Variants in ERBIN observed in about 807,000 individuals in gnomAD.
ERBIN encodes the protein densin-180-like protein.
Under a neutral mutation model 158.4 loss-of-function variants are expected in ERBIN, and 60 were observed. The observed-to-expected ratio is 0.38, with a 90% CI of 0.31 to 0.47. The LOEUF is 0.47. Ranked by LOEUF, ERBIN falls within the 20% of genes least tolerant of loss-of-function variation. ERBIN has a pLI of 0.99. For missense variants in ERBIN, 1,610 were observed against 1,648.0 expected (o/e 0.98, Z 0.40); for synonymous variants, 594 against 557.2 (o/e 1.07, Z -0.93).
At chr5:66,069,619 A>G (rs1761346372) in intron 21 of ERBIN, among the ~76,000 whole-genome samples, 2 of 152,328 alleles carry the variant, frequency 1.3e-5, no homozygotes, top group South Asian at 2.1e-4. Flanking sequence ...TGGGGGATAA[A>G]AAGGCAGAGA....
At chr5:66,070,858 CAA>C (rs1275965730) in intron 21 of ERBIN, among the ~76,000 whole-genome samples, 1 of 152,084 alleles carries the variant, frequency 6.6e-6, no homozygotes, top group African/African-American at 2.4e-5. Flanking sequence ...TATGTCATAA[CAA>C]AGTAGATTTT....
rs529024507 is a variant in ERBIN at position 66,001,723 on chromosome 5, A to T, written c.307+6859A>T. On this transcript the variant is annotated intron_variant, in intron 4 of 25. Transcript: ENST00000284037. The stretch of plus-strand genomic sequence containing the variant: ...CAGTCTATGATAAAACTGGAATGTT[A>T]ATTTGTTCTGGGTCTTAATTTGCTC... 1.6e-4 allele frequency among the ~76,000 whole-genome samples: 25 copies of T among 152,206 alleles called. No homozygotes were observed. The South Asian group carries it at 5.2e-3, about 32-fold the overall frequency.
At chr5:66,052,089 C>T (rs370332842) in intron 20 of ERBIN, among the ~76,000 whole-genome samples, 5 of 151,108 alleles carry the variant, frequency 3.3e-5, no homozygotes, top group African/African-American at 1.2e-4. Flanking sequence ...CCCAGCTACT[C>T]GAGAGGCCAA....
At chr5:66,077,183 T>C (rs1162741500) in intron 25 of ERBIN, among the ~76,000 whole-genome samples, 4 of 150,724 alleles carry the variant, frequency 2.7e-5, no homozygotes, top group Non-Finnish European at 5.9e-5. Context: ...TGATACATCA[T>C]AGGATTTTGT....
chr5:66,026,181 T>A, intron 12 of ERBIN, 121 bp from the exon 13 acceptor site: 1 of 707,202 alleles, frequency 1.4e-6, no homozygotes, highest in East Asian at 3.1e-5. Flanking sequence ...AAAGAAAGTC[T>A]AGTCATTATT....
chr5:65,947,319 T>C (rs1580117022), intron 1 of ERBIN, among the ~76,000 whole-genome samples: 1 of 152,302 alleles, frequency 6.6e-6, no homozygotes, highest in East Asian at 1.9e-4. Flanking sequence ...AACCTCCACC[T>C]TCCTGGTTCA....
At chr5:65,976,960 C>G (rs1290791591) in intron 1 of ERBIN, among the ~76,000 whole-genome samples, 6 of 152,272 alleles carry the variant, frequency 3.9e-5, no homozygotes, top group African/African-American at 1.4e-4. Flanking sequence ...CAATCTTTTC[C>G]CCACCTTTCC....
At chr5:65,945,212 ATT>A (rs1745593636) in intron 1 of ERBIN, among the ~76,000 whole-genome samples, 1 of 152,170 alleles carries the variant, frequency 6.6e-6, no homozygotes, top group South Asian at 2.1e-4. Context: ...CAAGTCTTGT[ATT>A]TTTCTATACA....
At chr5:65,946,837 G>A (rs1328617580) in intron 1 of ERBIN, among the ~76,000 whole-genome samples, 3 of 149,632 alleles carry the variant, frequency 2.0e-5, no homozygotes, top group African/African-American at 7.4e-5. Flanking sequence ...TAGATAAGGA[G>A]TATATCTCAT....
chr5:65,959,937 G>C (rs1009836189), intron 1 of ERBIN, among the ~76,000 whole-genome samples: 17 of 152,162 alleles, frequency 1.1e-4, no homozygotes, highest in Admixed American at 2.6e-4. Flanking sequence ...CCTTCAAAAA[G>C]TGTTGATACC....
intron 14 of ERBIN, among the ~76,000 whole-genome samples, chr5:66,034,708 A>G (rs368549175): frequency 1.3e-5 from 2 of 152,028 alleles, no homozygotes; most frequent in East Asian, 1.9e-4. Flanking sequence ...TATTAGTATC[A>G]GTACACAAAT....
rs114070175 is a variant in ERBIN, at chr5:65,978,584, C to T, written c.-57-10051C>T. Among the ~76,000 whole-genome samples the T allele has an allele frequency of 1.6e-3, 248 of 152,284 alleles. 2 individuals carry two copies. Among genetic ancestry groups the T allele is most frequent in the African/African-American group, 5.8e-3 (239 of 41,552 alleles). On this transcript the variant is annotated intron_variant, in intron 1 of 25. Transcript: ENST00000284037. ...GTGTAGGTGAATGTGGCAGTTTGCCCGCCTGGGGGCAGGTGCCTAGTATCA... is the reference window on the plus strand; with the variant it reads ...GTGTAGGTGAATGTGGCAGTTTGCCTGCCTGGGGGCAGGTGCCTAGTATCA...
chr5:66,032,831 CA>C (rs1282911337), intron 14 of ERBIN, among the ~76,000 whole-genome samples: 1 of 152,114 alleles, frequency 6.6e-6, no homozygotes, highest in Non-Finnish European at 1.5e-5. Context: ...TGAAGCAATG[CA>C]TGTATGTGAG....
chr5:66,058,998 T>G (rs2151257871), intron 21 of ERBIN, among the ~76,000 whole-genome samples: 1 of 152,354 alleles, frequency 6.6e-6, no homozygotes, highest in South Asian at 2.1e-4. Context: ...TTTTTTGGCT[T>G]AGGATTGTCT....
intron 16 of ERBIN, among the ~76,000 whole-genome samples, chr5:66,043,460 A>G (rs1358107854): frequency 6.6e-6 from 1 of 152,178 alleles, no homozygotes; most frequent in Non-Finnish European, 1.5e-5. Context: ...GAAATTAACC[A>G]GCACTTTATT....
chr5:65,939,253 A>G (rs1744471186), intron 1 of ERBIN, among the ~76,000 whole-genome samples: 1 of 152,114 alleles, frequency 6.6e-6, no homozygotes, highest in Admixed American at 6.5e-5. Flanking sequence ...CCTGACCAGT[A>G]TGGTGAAATC....
intron 21 of ERBIN, among the ~76,000 whole-genome samples, chr5:66,070,101 A>G (rs888181255): frequency 2.0e-5 from 3 of 151,894 alleles, no homozygotes; most frequent in East Asian, 1.9e-4. Context: ...CTGGAGTGCA[A>G]TGGCGCGATC....
At chr5:65,957,224 A>AT (rs1580150604) in intron 1 of ERBIN, among the ~76,000 whole-genome samples, 1 of 142,950 alleles carries the variant, frequency 7.0e-6, no homozygotes, top group African/African-American at 3.0e-5. Context: ...ATTTTATTTT[A>AT]TTTTATTTTT....
chr5:66,068,841 A>C (rs747199760), intron 21 of ERBIN: 1 of 1,502,290 alleles, frequency 6.7e-7, no homozygotes, highest in African/African-American at 1.4e-5. Flanking sequence ...TGCATGCTAC[A>C]CTAATCTCTG....
Sources: allele counts gnomAD v4.1 joint callset (sites outside exome capture counted in the v4.1 genomes callset), GRCh38; gene constraint gnomAD v4.1.1; transcripts MANE v1.5; gene names NCBI Gene and HGNC (gene_info 2026-07-23, HGNC 2026-07-21).